Variants in ABCA13 observed in about 807,000 individuals in gnomAD.
The protein encoded by ABCA13 is ATP binding cassette subfamily A member 13, also known as ATP-binding cassette sub-family A member 13.
A neutral mutation model predicts 478.7 loss-of-function variants in ABCA13; 476 were observed. The observed-to-expected ratio is 0.99, with a 90% confidence interval of 0.92 to 1.07. The LOEUF (loss-of-function observed/expected upper bound fraction) is 1.07, where lower values mean the gene tolerates loss of function less well. Among genes scored for constraint, ABCA13 ranks in the 50% least tolerant of loss-of-function variants. The probability of loss-of-function intolerance (pLI) is 0.00; values close to 1 mark genes in which losing one functional copy is unlikely to be tolerated. For missense variants in ABCA13, 6,060 were observed against 5,910.6 expected (o/e 1.03, Z -0.83); for synonymous variants, 2,252 against 2,158.9 (o/e 1.04, Z -1.20).
chr7:48,586,566 G>A (rs1357743566), intron 56 of ABCA13, among the ~76,000 whole-genome samples: 1 of 152,054 alleles, frequency 6.6e-6, no homozygotes, highest in African/African-American at 2.4e-5. Flanking sequence ...CAGTAGACAC[G>A]TGGGAATCCA....
intron 42 of ABCA13, among the ~76,000 whole-genome samples, chr7:48,439,931 T>A (rs1255202257): frequency 6.6e-6 from 1 of 152,082 alleles, no homozygotes; most frequent in Non-Finnish European, 1.5e-5. Flanking sequence ...TGGGTTTGAG[T>A]CATTGGGGGC....
rs1804776337 is a variant in ABCA13 at position 48,329,023 on chromosome 7, AT to A, written c.10000-6397del. Among the ~76,000 whole-genome samples, 6 of 152,276 alleles carry A rather than the reference AT, an allele frequency of 3.9e-5. No homozygotes were observed. The South Asian group carries it at 1.2e-3, about 32-fold the overall frequency. The stretch of plus-strand genomic sequence containing the variant: ...TTCGCACATGCAAACAAGGATATTT[AT>A]TGTGCCATTGTTTGTAAGCAGTAGA... On this transcript the variant is annotated intron_variant, in intron 27 of 61. Transcript: ENST00000435803.
chr7:48,235,058 A>G (rs1281854592), intron 8 of ABCA13, among the ~76,000 whole-genome samples: 1 of 152,172 alleles, frequency 6.6e-6, no homozygotes, highest in African/African-American at 2.4e-5. Context: ...CTGTGCTCTC[A>G]GTCTCAGGGG....
chr7:48,411,007 CTTT>C (rs1818991309), intron 40 of ABCA13, among the ~76,000 whole-genome samples: 1 of 111,656 alleles, frequency 9.0e-6, no homozygotes, highest in African/African-American at 3.2e-5. Flanking sequence ...TTCTTTCTTT[CTTT>C]CTTTCTTTCT....
intron 44 of ABCA13, among the ~76,000 whole-genome samples, chr7:48,469,842 C>G (rs1052423483): frequency 3.3e-5 from 5 of 151,880 alleles, no homozygotes; most frequent in Non-Finnish European, 5.9e-5. Flanking sequence ...ATCACTTGAG[C>G]CCAGGAGGCG....
intron 8 of ABCA13, among the ~76,000 whole-genome samples, chr7:48,236,140 G>T (rs768636147): frequency 3.3e-5 from 5 of 152,080 alleles, no homozygotes; most frequent in African/African-American, 9.7e-5. Context: ...GCCATCCAAG[G>T]CTATCTATAC....
At chr7:48,201,986 C>A (rs758049499) in intron 3 of ABCA13, among the ~76,000 whole-genome samples, 19 of 151,128 alleles carry the variant, frequency 1.3e-4, no homozygotes, top group Admixed American at 5.3e-4. Flanking sequence ...GCTCTTAACA[C>A]GGCGTGTCTG....
At chr7:48,501,031 C>G (rs1421806225) in intron 48 of ABCA13, among the ~76,000 whole-genome samples, 1 of 152,188 alleles carries the variant, frequency 6.6e-6, no homozygotes, top group Non-Finnish European at 1.5e-5. Context: ...CTATTTGACC[C>G]TTGGTGAAAC....
At chr7:48,543,157 G>A (rs1527841) in intron 55 of ABCA13, among the ~76,000 whole-genome samples, 151,835 of 151,840 alleles carry the variant, frequency 1, 75,915 homozygotes, top group Middle Eastern at 1. Flanking sequence ...TTAAATTAAT[G>A]TAAAATTTAC....
intron 55 of ABCA13, among the ~76,000 whole-genome samples, chr7:48,554,251 G>A (rs1785576508): frequency 6.6e-6 from 1 of 151,966 alleles, no homozygotes; most frequent in Non-Finnish European, 1.5e-5. Context: ...TTTGAAGTCA[G>A]GTAAAGTGAT....
chr7:48,432,920 A>T (rs1414063878), intron 42 of ABCA13, among the ~76,000 whole-genome samples: 1 of 152,092 alleles, frequency 6.6e-6, no homozygotes, highest in Non-Finnish European at 1.5e-5. Context: ...ACTGTAGTTA[A>T]TAACGTTTTG....
At chr7:48,436,667 C>T (rs1420873007) in intron 42 of ABCA13, among the ~76,000 whole-genome samples, 1 of 151,800 alleles carries the variant, frequency 6.6e-6, no homozygotes, top group Non-Finnish European at 1.5e-5. Context: ...CTATACATTT[C>T]CTTCTTAGTG....
chr7:48,439,990 A>G (rs1823363086), intron 42 of ABCA13, among the ~76,000 whole-genome samples: 1 of 152,168 alleles, frequency 6.6e-6, no homozygotes, highest in Non-Finnish European at 1.5e-5. Context: ...AGCTAAACTG[A>G]ATTTCCGCAA....
intron 53 of ABCA13, among the ~76,000 whole-genome samples, chr7:48,521,671 A>G (rs1470421592): frequency 3.9e-5 from 6 of 152,154 alleles, no homozygotes; most frequent in Admixed American, 2.6e-4. Context: ...CCATTTTCCT[A>G]TAGTATCAAA....
chr7:48,576,117 T>G (rs2131343878), intron 55 of ABCA13, among the ~76,000 whole-genome samples: 1 of 152,290 alleles, frequency 6.6e-6, no homozygotes, highest in Middle Eastern at 3.4e-3. Context: ...ATGTAGGTTA[T>G]AAGCAAATTC....
At chr7:48,595,439 T>C (rs1410477780) in intron 58 of ABCA13, among the ~76,000 whole-genome samples, 1 of 152,246 alleles carries the variant, frequency 6.6e-6, no homozygotes, top group Non-Finnish European at 1.5e-5. Context: ...AGACTTGTTT[T>C]GTCTTTATGT....
At chr7:48,472,782 C>G (rs2130338068) in intron 45 of ABCA13, among the ~76,000 whole-genome samples, 1 of 152,172 alleles carries the variant, frequency 6.6e-6, no homozygotes, top group South Asian at 2.1e-4. Flanking sequence ...CCTGGCAGTC[C>G]CCACCCCATC....
At chr7:48,340,131 A>G (rs1806906897) in intron 29 of ABCA13, among the ~76,000 whole-genome samples, 1 of 151,848 alleles carries the variant, frequency 6.6e-6, no homozygotes, top group Non-Finnish European at 1.5e-5. Context: ...TTTAGACAAG[A>G]GTTTTGCTCT....
chr7:48,561,487 A>T (rs1184363691), intron 55 of ABCA13, among the ~76,000 whole-genome samples: 1 of 152,170 alleles, frequency 6.6e-6, no homozygotes, highest in East Asian at 1.9e-4. Context: ...CTCCCTAATG[A>T]TTAGAAATGT....
Sources: gnomAD v4.1 joint callset for allele counts (sites outside exome capture counted in the v4.1 genomes callset) on GRCh38, gnomAD v4.1.1 for gene constraint, MANE v1.5 for transcripts, NCBI Gene and HGNC (gene_info 2026-07-23, HGNC 2026-07-21) for gene names.